The following KCNH7 variants were observed in gnomAD, a reference collection of about 807,000 sequenced individuals.
The protein encoded by KCNH7 is voltage-gated inwardly rectifying potassium channel KCNH7.
In KCNH7, 49 loss-of-function variants were observed where a neutral mutation model predicts 120.8. The observed-to-expected ratio is 0.41, with a 90% CI of 0.32 to 0.51. The LOEUF is 0.51. Among genes scored for constraint, KCNH7 ranks in the 20% least tolerant of loss-of-function variants. The probability of loss-of-function intolerance (pLI) is 0.38; values close to 1 mark genes in which losing one functional copy is unlikely to be tolerated. For synonymous variants in KCNH7, 547 were observed against 516.1 expected, an observed-to-expected ratio of 1.06 and a Z score of -0.81; for missense variants, 1,097 against 1,446.6, an observed-to-expected ratio of 0.76 and a Z score of 3.92.
intron 6 of KCNH7, among the ~76,000 whole-genome samples, chr2:162,461,811 A>G (rs1287023250): frequency 6.6e-6 from 1 of 152,176 alleles, no homozygotes; most frequent in Non-Finnish European, 1.5e-5. Context: ...CATAAAAGCA[A>G]CAATCCTGGA....
At chr2:162,830,167 G>A (rs766361215) in intron 2 of KCNH7, among the ~76,000 whole-genome samples, 52 of 152,124 alleles carry the variant, frequency 3.4e-4, no homozygotes, top group Non-Finnish European at 5.0e-4. Context: ...TTGAAAGGAC[G>A]ATGATGGTTT....
chr2:162,521,333 T>C (rs1691512796), intron 3 of KCNH7, among the ~76,000 whole-genome samples: 1 of 151,878 alleles, frequency 6.6e-6, no homozygotes, highest in Admixed American at 6.6e-5. Flanking sequence ...ATTTAATTGC[T>C]TTGGCCATAA....
At chr2:162,636,556 C>T (rs1000205754) in intron 2 of KCNH7, among the ~76,000 whole-genome samples, 1 of 152,066 alleles carries the variant, frequency 6.6e-6, no homozygotes, top group Non-Finnish European at 1.5e-5. Flanking sequence ...AAAGCATAAG[C>T]ATTTTAATTC....
intron 2 of KCNH7, among the ~76,000 whole-genome samples, chr2:162,690,214 C>T (rs569724686): frequency 1.3e-5 from 2 of 151,986 alleles, no homozygotes; most frequent in African/African-American, 2.4e-5. Context: ...AAACAACACA[C>T]GCTGACCTTT....
chr2:162,755,305 C>T (rs1688748925), intron 2 of KCNH7, among the ~76,000 whole-genome samples: 1 of 151,892 alleles, frequency 6.6e-6, no homozygotes, highest in Non-Finnish European at 1.5e-5. Flanking sequence ...TCCATCTCTA[C>T]TAAAAATACA....
chr2:162,660,481 C>T (rs561523541), intron 2 of KCNH7, among the ~76,000 whole-genome samples: 48 of 152,178 alleles, frequency 3.2e-4, no homozygotes, highest in Non-Finnish European at 6.3e-4. Flanking sequence ...ATCCATTGTA[C>T]AATTCCTTTT....
chr2:162,737,261 G>A (rs1687947154), intron 2 of KCNH7, among the ~76,000 whole-genome samples: 1 of 152,098 alleles, frequency 6.6e-6, no homozygotes, highest in Non-Finnish European at 1.5e-5. Context: ...GGGCTCGTAA[G>A]CTCTAAGAGA....
chr2:162,728,265 A>T lies in KCNH7; in HGVS notation c.307+108272T>A, dbSNP rs553935088. Among the ~76,000 whole-genome samples, 3 of 152,004 alleles carry T rather than the reference A, an allele frequency of 2.0e-5. No individual in the cohort carries two copies. In the East Asian group the frequency reaches 5.8e-4, roughly 29 times the overall value. On this transcript the variant is annotated intron_variant, in intron 2 of 15. Transcript: ENST00000332142. The stretch of plus-strand genomic sequence containing the variant: ...CTCTAATGACTAATGATCTTGATAA[A>T]TTTTTTATGTGCTGTTTTACCATTT...
At chr2:162,426,100 G>T (rs1687851911) in intron 8 of KCNH7, among the ~76,000 whole-genome samples, 1 of 151,606 alleles carries the variant, frequency 6.6e-6, no homozygotes, top group Non-Finnish European at 1.5e-5. Flanking sequence ...TGTAGCACCA[G>T]CTATTCCGGA....
rs371321259 is a variant in KCNH7, at chr2:162,606,242, T to C, written c.308-69162A>G. Among the ~76,000 whole-genome samples, 27 of 152,180 alleles carry C rather than the reference T, an allele frequency of 1.8e-4. 3 individuals are homozygous for C. Among genetic ancestry groups the C allele is most frequent in the Admixed American group, 1.3e-3 (20 of 15,278 alleles). On this transcript the variant is annotated intron_variant, in intron 2 of 15. Coordinates refer to ENST00000332142, the MANE Select transcript of KCNH7 (RefSeq NM_033272.4). The stretch of plus-strand genomic sequence containing the variant: ...TTTTTGTCTGCTACTGAGTAATATA[T>C]TTGAGTCTGTAGCCCAGGAGAAACA...
chr2:162,404,755 C>T (rs995815280), intron 9 of KCNH7, among the ~76,000 whole-genome samples: 3 of 151,936 alleles, frequency 2.0e-5, no homozygotes, highest in Non-Finnish European at 4.4e-5. Context: ...TTATAAATTA[C>T]CCAGTCTCAG....
At chr2:162,430,740 C>T (rs1440291055) in intron 8 of KCNH7, among the ~76,000 whole-genome samples, 1 of 151,870 alleles carries the variant, frequency 6.6e-6, no homozygotes, top group Non-Finnish European at 1.5e-5. Context: ...AGCAGAACTC[C>T]AGTAACTTTT....
At chr2:162,821,748 A>T (rs77023840) in intron 2 of KCNH7, among the ~76,000 whole-genome samples, 3,846 of 152,252 alleles carry the variant, frequency 0.025, 158 homozygotes, top group African/African-American at 0.087. Context: ...GGACATTTAC[A>T]TCTACATACT....
chr2:162,812,868 G>T (rs553137466), intron 2 of KCNH7, among the ~76,000 whole-genome samples: 1 of 152,090 alleles, frequency 6.6e-6, no homozygotes, highest in Non-Finnish European at 1.5e-5. Flanking sequence ...ATTTCAGGAA[G>T]GACTAGATGA....
chr2:162,384,709 T>A lies in KCNH7; in HGVS notation c.2941A>T (p.Lys981Ter). The change falls in exon 13 of 16, where the codon AAA becomes TAA. Residue 981 changes from lysine (K) to a stop codon, truncating the protein, a stop_gained. Transcript: ENST00000332142. LOFTEE classifies it high-confidence loss of function. ...TTACCTTTGCAAGAGTGACTTCTTT[T>A]ATCTATGTGCATTCTTCCTGAGGTG... The part of the protein sequence containing the change: ...VPTSGRMHID[K>*]RSHSCKDITD... 1 of 1,612,542 alleles carries A rather than the reference T, an allele frequency of 6.2e-7. No homozygotes were observed. Among genetic ancestry groups the A allele is most frequent in the Non-Finnish European group, 8.5e-7 (1 of 1,178,918 alleles).
At chr2:162,419,146 G>T (rs1167448295) in intron 9 of KCNH7, among the ~76,000 whole-genome samples, 1 of 151,260 alleles carries the variant, frequency 6.6e-6, no homozygotes, top group African/African-American at 2.4e-5. Context: ...TTTCTTTCCT[G>T]CCTGTCTTTA....
intron 6 of KCNH7, among the ~76,000 whole-genome samples, chr2:162,489,656 G>A (rs1690224972): frequency 6.6e-6 from 1 of 152,032 alleles, no homozygotes; most frequent in South Asian, 2.1e-4. Context: ...CTTATATTTA[G>A]CAAACAATGA....
chr2:162,673,291 G>A (rs1348611939), intron 2 of KCNH7, among the ~76,000 whole-genome samples: 3 of 151,894 alleles, frequency 2.0e-5, no homozygotes, highest in African/African-American at 7.2e-5. Flanking sequence ...TATAGCAAAT[G>A]GTTTTATGTA....
At chr2:162,670,079 C>T (rs1300764018) in intron 2 of KCNH7, among the ~76,000 whole-genome samples, 2 of 151,890 alleles carry the variant, frequency 1.3e-5, no homozygotes, top group Non-Finnish European at 2.9e-5. Flanking sequence ...CCAGCCTGGG[C>T]GACAAGAGCG....
Sources: gnomAD v4.1 joint callset for allele counts (sites outside exome capture counted in the v4.1 genomes callset) on GRCh38, gnomAD v4.1.1 for gene constraint, MANE v1.5 for transcripts, NCBI Gene and HGNC (gene_info 2026-07-23, HGNC 2026-07-21) for gene names.